The following MEAK7 variants were observed in gnomAD, a reference collection of about 807,000 sequenced individuals.
MEAK7 encodes the protein MTOR associated protein MEAK7, also known as MTOR-associated protein MEAK7.
MEAK7 carries 68 observed loss-of-function variants against 40.5 expected under a neutral mutation model. The ratio of observed to expected loss-of-function variants is 1.68; its 90% CI spans 1.38 to 2.06. The LOEUF (loss-of-function observed/expected upper bound fraction) is 2.06, where lower values mean the gene tolerates loss of function less well. MEAK7 is among the 30% of genes most tolerant of loss of function. The pLI, the probability that MEAK7 is intolerant of heterozygous loss-of-function variation, is 0.00. For missense variants in MEAK7, 918 were observed against 580.5 expected (o/e 1.58, Z -5.98); for synonymous variants, 338 against 231.9 (o/e 1.46, Z -4.16).
chr16:84,490,677 T>TGTGTGTGTGTGTGTGC (rs1913517269), intron 3 of MEAK7, among the ~76,000 whole-genome samples: 1 of 150,468 alleles, frequency 6.6e-6, no homozygotes, highest in African/African-American at 2.4e-5. Context: ...TGTGTGTGTG[T>TGTGTGTGTGTGTGTGC]GTGTGTGTGT....
chr16:84,484,098 C>G (rs1057176928), intron 5 of MEAK7, among the ~76,000 whole-genome samples: 2 of 152,336 alleles, frequency 1.3e-5, no homozygotes, highest in Middle Eastern at 3.4e-3. Context: ...CTTTGCAATC[C>G]TGAGCCCGTC....
Position 84,495,633 on chromosome 16 carries a change from G to C in MEAK7, c.384+50C>G, listed in dbSNP as rs1324396387. 5.1e-6 allele frequency: 8 copies of C among 1,577,510 alleles called. No homozygotes were observed. In the Admixed American group the frequency reaches 1.3e-4, roughly 26 times the overall value. On this transcript the variant is annotated intron_variant, in intron 3 of 7. Transcript: ENST00000343629. Reference sequence around the variant, plus strand: ...AACTGGCCTCCATCCCCCCACCGATGGTCACCAAGACTGCTGAGGAGGCTG... The same window carrying C: ...AACTGGCCTCCATCCCCCCACCGATCGTCACCAAGACTGCTGAGGAGGCTG...
In MEAK7 at chr16:84,490,044, G is replaced by A. The variant is rs147711878; in HGVS notation, c.385-622C>T. Among the ~76,000 whole-genome samples, 220 of 152,244 alleles carry A rather than the reference G, an allele frequency of 1.4e-3. 1 individual carries two copies. Among genetic ancestry groups the A allele is most frequent in the African/African-American group, 4.1e-3 (171 of 41,536 alleles). On this transcript the variant is annotated intron_variant, in intron 3 of 7. Coordinates refer to ENST00000343629, the MANE Select transcript of MEAK7 (RefSeq NM_020947.4). ...ATGACTAAAACTTAAACAACCAACTGGTCTTCATTTACCAATGGTCTTCTC... is the reference window on the plus strand; with the variant it reads ...ATGACTAAAACTTAAACAACCAACTAGTCTTCATTTACCAATGGTCTTCTC...
chr16:84,504,096 T>C (rs1914705380), intron 1 of MEAK7: 2 of 985,380 alleles, frequency 2.0e-6, no homozygotes, highest in South Asian at 4.7e-5. Flanking sequence ...GAAGGTGACC[T>C]GTCCTGTGCT....
chr16:84,480,772 A>C (rs1597918599), intron 6 of MEAK7, 64 bp from the exon 7 acceptor site: 42 of 1,493,844 alleles, frequency 2.8e-5, no homozygotes, highest in East Asian at 2.2e-4. Context: ...GACATCAAAT[A>C]CCACAAGCCA....
chr16:84,482,495 C>T (rs1282847596), intron 6 of MEAK7, 97 bp downstream of exon 6: 42 of 1,582,950 alleles, frequency 2.7e-5, no homozygotes, highest in South Asian at 8.1e-5. Flanking sequence ...CTGAATGCCA[C>T]GCGCCCTGCC....
In MEAK7 at chr16:84,486,498, C is replaced by T. The variant is rs1032809374; in HGVS notation, c.958+133G>A. 14 of 1,440,326 alleles carry T rather than the reference C, an allele frequency of 9.7e-6. No individual in the cohort carries two copies. The South Asian group carries it at 1.8e-4, about 18-fold the overall frequency. 89.2% of individuals were successfully genotyped at this position (1,440,326 alleles called of 1,614,324 possible). A position where few individuals can be genotyped will look rare whatever the true frequency, so the allele number is the denominator to read the frequency against. ...ATAGAGCAGCATCACATTTTCCTAT[C>T]GCCCCGACTGCGTCTAGAGAAACAC... is the stretch of plus-strand genomic sequence containing the variant. On this transcript the variant is annotated intron_variant, in intron 5 of 7. Coordinates refer to ENST00000343629, the MANE Select transcript of MEAK7 (RefSeq NM_020947.4).
At chr16:84,503,884 C>T (rs184894860) in intron 1 of MEAK7, 18 of 966,894 alleles carry the variant, frequency 1.9e-5, no homozygotes, top group Non-Finnish European at 2.2e-5. Context: ...CTGCTTCCCA[C>T]CCTGGCTGCC....
rs748398681 is a variant in MEAK7, at chr16:84,486,884, T to G, written c.705A>C (p.Gln235His). ...LDLTTLVPER[Q>H]VDQGRGFESI... ...TCTCAAAACCCCTGCCCTGGTCCAC[T>G]TGACGCTCAGGGACCAGGGTAGTCA... The change falls in exon 5 of 8, where the codon CAA becomes CAC. Residue 235 changes from glutamine (Q) to histidine (H), a missense_variant. Transcript: ENST00000343629. 1 of 1,614,156 alleles carries G rather than the reference T, an allele frequency of 6.2e-7. No individual in the cohort carries two copies. The highest frequency in any genetic ancestry group is 1.1e-5 in the South Asian group (1 of 91,080).
chr16:84,483,136 C>T (rs971319599), intron 5 of MEAK7, among the ~76,000 whole-genome samples: 6 of 152,200 alleles, frequency 3.9e-5, no homozygotes, highest in African/African-American at 9.6e-5. Flanking sequence ...GTGCTGACCC[C>T]GGCCTGAAAG....
intron 3 of MEAK7, among the ~76,000 whole-genome samples, chr16:84,495,000 G>A (rs902255283): frequency 6.6e-6 from 1 of 152,214 alleles, no homozygotes; most frequent in Non-Finnish European, 1.5e-5. Context: ...CCAGCGTGGT[G>A]GCTCATGCCT....
At chr16:84,491,893 G>C (rs1320064258) in intron 3 of MEAK7, among the ~76,000 whole-genome samples, 1 of 151,874 alleles carries the variant, frequency 6.6e-6, no homozygotes, top group Non-Finnish European at 1.5e-5. Flanking sequence ...TTAAATTAAG[G>C]TTATCATATC....
At chr16:84,504,089 G>A (rs1914705219) in intron 1 of MEAK7, 4 of 985,468 alleles carry the variant, frequency 4.1e-6, no homozygotes, top group Admixed American at 1.2e-4. Context: ...TGGGCCAGAA[G>A]GTGACCTGTC....
Position 84,478,596 on chromosome 16 carries a change from T to A in MEAK7, c.*1317A>T, listed in dbSNP as rs770474154. On this transcript the variant is annotated 3_prime_UTR_variant, in exon 8 of 8. Coordinates refer to ENST00000343629, the MANE Select transcript of MEAK7 (RefSeq NM_020947.4). ...CTCACAGCACCTTTAAGTGGGGAGA[T>A]CTCATGGCCAACCGGTGACTCACCG... 1 of 152,090 alleles carries A rather than the reference T, an allele frequency of 6.6e-6. No homozygotes were observed. Among genetic ancestry groups the A allele is most frequent in the Non-Finnish European group, 1.5e-5 (1 of 68,012 alleles). The allele number at this position is 152,090 out of a possible 1,614,324, so 9.4% of individuals were successfully genotyped here.
intron 1 of MEAK7, among the ~76,000 whole-genome samples, chr16:84,500,946 T>A (rs1914445767): frequency 6.6e-6 from 1 of 151,752 alleles, no homozygotes; most frequent in Admixed American, 6.6e-5. Flanking sequence ...TACAAAAAAA[T>A]TAGCCAGGCA....
chr16:84,497,438 G>A, intron 2 of MEAK7: 1 of 1,289,204 alleles, frequency 7.8e-7, no homozygotes, highest in Non-Finnish European at 1.0e-6. Context: ...AGGCAACGGT[G>A]CACCTGACAC....
chr16:84,491,769 C>G (rs570246770), intron 3 of MEAK7, among the ~76,000 whole-genome samples: 99 of 146,108 alleles, frequency 6.8e-4, no homozygotes, highest in African/African-American at 2.2e-3. Context: ...ACCCAGGAGG[C>G]GGAGCTTGCA....
At chr16:84,496,710 C>T (rs1021869622) in intron 2 of MEAK7, among the ~76,000 whole-genome samples, 1 of 152,130 alleles carries the variant, frequency 6.6e-6, no homozygotes, top group Non-Finnish European at 1.5e-5. Flanking sequence ...ACCGAAGGGC[C>T]TCACACCACC....
At chr16:84,501,611 T>A (rs1914511429) in intron 1 of MEAK7, among the ~76,000 whole-genome samples, 1 of 152,050 alleles carries the variant, frequency 6.6e-6, no homozygotes, top group Non-Finnish European at 1.5e-5. Flanking sequence ...CAGGAAAGGC[T>A]TGGACGCAGA....
Sources: allele counts gnomAD v4.1 joint callset (sites outside exome capture counted in the v4.1 genomes callset), GRCh38; gene constraint gnomAD v4.1.1; transcripts MANE v1.5; gene names NCBI Gene and HGNC (gene_info 2026-07-23, HGNC 2026-07-21).